The following CSMD1 variants were observed in gnomAD, a reference collection of about 807,000 sequenced individuals.
CSMD1 encodes CUB and sushi domain-containing protein 1.
Under a neutral mutation model 417.5 loss-of-function variants are expected in CSMD1, and 213 were observed. The observed-to-expected ratio is 0.51, with a 90% CI of 0.46 to 0.57. The LOEUF is 0.57. CSMD1 is among the 20% of genes least tolerant of loss of function. The pLI is 0.00. For synonymous variants in CSMD1, 2,862 were observed against 1,736.8 expected, an observed-to-expected ratio of 1.65 and a Z score of -16.11; for missense variants, 6,923 against 4,529.7, an observed-to-expected ratio of 1.53 and a Z score of -15.17.
At chr8:4,631,094 G>A (rs1475596274) in intron 2 of CSMD1, among the ~76,000 whole-genome samples, 1 of 152,190 alleles carries the variant, frequency 6.6e-6, no homozygotes, top group African/African-American at 2.4e-5. Context: ...CAGGTGCGGT[G>A]GCTCACACCT....
chr8:3,702,531 A>G (rs1800928629), intron 7 of CSMD1, among the ~76,000 whole-genome samples: 1 of 152,230 alleles, frequency 6.6e-6, no homozygotes, highest in Non-Finnish European at 1.5e-5. Flanking sequence ...TGTTACCATC[A>G]TTAAAAAATA....
chr8:3,254,324 A>T (rs982825334), intron 26 of CSMD1, among the ~76,000 whole-genome samples: 16 of 152,046 alleles, frequency 1.1e-4, no homozygotes, highest in African/African-American at 3.9e-4. Flanking sequence ...CCTTCATTTT[A>T]ACTTTGGTGA....
chr8:4,988,823 T>C (rs1811314596), intron 1 of CSMD1, among the ~76,000 whole-genome samples: 1 of 152,218 alleles, frequency 6.6e-6, no homozygotes, highest in Non-Finnish European at 1.5e-5. Flanking sequence ...GTTGATCTGC[T>C]GGAGGGAAAA....
chr8:3,848,945 A>G (rs540610181), intron 5 of CSMD1, among the ~76,000 whole-genome samples: 15 of 151,078 alleles, frequency 9.9e-5, no homozygotes, highest in African/African-American at 3.4e-4. Context: ...TATGATATAT[A>G]TATGTATATA....
intron 3 of CSMD1, among the ~76,000 whole-genome samples, chr8:4,413,399 G>A (rs1390661578): frequency 2.0e-5 from 3 of 152,032 alleles, no homozygotes; most frequent in South Asian, 2.1e-4. Context: ...CATAAGCCTC[G>A]CTAGATTAGC....
chr8:3,851,676 G>C (rs182267426), intron 5 of CSMD1, among the ~76,000 whole-genome samples: 12 of 152,270 alleles, frequency 7.9e-5, no homozygotes, highest in Admixed American at 7.2e-4. Flanking sequence ...AAAGAAAAGG[G>C]TGAATAGCAG....
chr8:4,382,236 A>G (rs1803149654), intron 3 of CSMD1, among the ~76,000 whole-genome samples: 1 of 152,212 alleles, frequency 6.6e-6, no homozygotes, highest in African/African-American at 2.4e-5. Context: ...TTAAACAACC[A>G]TTACCAAAGC....
At chr8:4,989,997 C>T (rs1584958006) in intron 1 of CSMD1, among the ~76,000 whole-genome samples, 1 of 152,142 alleles carries the variant, frequency 6.6e-6, no homozygotes, top group African/African-American at 2.4e-5. Context: ...AGTCGTCTTA[C>T]CAAGCATGAT....
chr8:3,939,241 T>G (rs1239296703), intron 5 of CSMD1, among the ~76,000 whole-genome samples: 1 of 151,970 alleles, frequency 6.6e-6, no homozygotes. Flanking sequence ...AAAATCCATG[T>G]TTTACATATG....
At chr8:4,919,530 A>T (rs999074242) in intron 1 of CSMD1, among the ~76,000 whole-genome samples, 8 of 152,252 alleles carry the variant, frequency 5.3e-5, no homozygotes, top group Non-Finnish European at 1.0e-4. Context: ...AGTTTGCATT[A>T]GTTCCAGATC....
At chr8:3,893,844 T>G (rs1221902261) in intron 5 of CSMD1, among the ~76,000 whole-genome samples, 1 of 152,108 alleles carries the variant, frequency 6.6e-6, no homozygotes, top group East Asian at 1.9e-4. Flanking sequence ...TGACCCTTTG[T>G]TCATTAAAAT....
chr8:4,749,576 T>C (rs1811174411), intron 1 of CSMD1, among the ~76,000 whole-genome samples: 1 of 152,224 alleles, frequency 6.6e-6, no homozygotes, highest in East Asian at 1.9e-4. Flanking sequence ...TTCAGGAAAA[T>C]GTCAATGATC....
At chr8:3,622,202 G>C (rs542854889) in intron 7 of CSMD1, among the ~76,000 whole-genome samples, 1 of 152,328 alleles carries the variant, frequency 6.6e-6, no homozygotes, top group South Asian at 2.1e-4. Context: ...ATGTAATGCA[G>C]ATTGTTACTT....
At chr8:4,251,018 A>C (rs752994095) in intron 3 of CSMD1, among the ~76,000 whole-genome samples, 1 of 152,318 alleles carries the variant, frequency 6.6e-6, no homozygotes, top group East Asian at 1.9e-4. Flanking sequence ...AATGACAAGC[A>C]TATTTTTAGA....
chr8:3,497,788 C>A (rs1009618131), intron 10 of CSMD1, among the ~76,000 whole-genome samples: 4 of 152,168 alleles, frequency 2.6e-5, no homozygotes, highest in African/African-American at 9.7e-5. Context: ...TGCACATCCT[C>A]TATTCCATTC....
chr8:4,030,993 A>C (rs189540424), intron 4 of CSMD1, among the ~76,000 whole-genome samples: 7 of 152,268 alleles, frequency 4.6e-5, no homozygotes, highest in Admixed American at 4.6e-4. Flanking sequence ...CAAGTTTCTC[A>C]TCTCCATCCG....
intron 9 of CSMD1, among the ~76,000 whole-genome samples, chr8:3,581,888 G>T (rs549129686): frequency 1.3e-5 from 2 of 151,924 alleles, no homozygotes; most frequent in Non-Finnish European, 2.9e-5. Context: ...TACTGCAACC[G>T]CCACCTTCGA....
Position 3,905,722 on chromosome 8 carries a change from C to T in CSMD1, c.818+92181G>A, listed in dbSNP as rs574003127. On this transcript the variant is annotated intron_variant, in intron 5 of 69. Coordinates refer to ENST00000635120, the MANE Select transcript of CSMD1 (RefSeq NM_033225.6). ...GTATCTCCTTATCCACATCCAAGTCCACGCAGATAATAGACTCGTCTTAAA... is the reference window on the plus strand; with the variant it reads ...GTATCTCCTTATCCACATCCAAGTCTACGCAGATAATAGACTCGTCTTAAA... Among the ~76,000 whole-genome samples, 5 of 152,316 alleles carry T rather than the reference C, an allele frequency of 3.3e-5. No individual in the cohort carries two copies. The East Asian group carries it at 9.7e-4, about 29-fold the overall frequency.
intron 1 of CSMD1, among the ~76,000 whole-genome samples, chr8:4,778,905 T>C (rs1797009163): frequency 6.6e-6 from 1 of 152,218 alleles, no homozygotes; most frequent in African/African-American, 2.4e-5. Context: ...TGATTAACAT[T>C]TACAATATAT....
Sources: gnomAD v4.1 joint callset for allele counts (sites outside exome capture counted in the v4.1 genomes callset) on GRCh38, gnomAD v4.1.1 for gene constraint, MANE v1.5 for transcripts, NCBI Gene and HGNC (gene_info 2026-07-23, HGNC 2026-07-21) for gene names.